The following TBL1X variants were observed in gnomAD, a reference collection of about 807,000 sequenced individuals.
TBL1X encodes the protein transducin beta like 1 X-linked.
A neutral mutation model predicts 50.7 loss-of-function variants in TBL1X; 10 were observed. The ratio of observed to expected loss-of-function variants is 0.20; its 90% CI spans 0.12 to 0.33. The LOEUF (loss-of-function observed/expected upper bound fraction) is 0.33. Among genes scored for constraint, TBL1X ranks in the 10% least tolerant of loss-of-function variants. The probability of loss-of-function intolerance (pLI) is 1.00; values close to 1 mark genes in which losing one functional copy is unlikely to be tolerated. For missense variants in TBL1X, 340 were observed against 504.4 expected (o/e 0.67, Z 3.12); for synonymous variants, 190 against 214.7 (o/e 0.88, Z 1.01).
At chrX:9,491,305 T>A (rs2081940166) in intron 1 of TBL1X, among the ~76,000 whole-genome samples, 1 of 41,396 alleles carries the variant, frequency 2.4e-5, no homozygotes. Context: ...GGCCAGTATA[T>A]TTATATATAT....
Position 9,711,638 on chromosome X carries a change from G to A in TBL1X, c.1467G>A (p.Leu489=), listed in dbSNP as rs1181330044. The change falls in exon 16 of 18, where the codon CTG becomes CTA. Residue 489 remains leucine (L), a synonymous_variant. Transcript: ENST00000645353. The stretch of plus-strand genomic sequence containing the variant: ...CTTCGTTTGATTCTACGGTGCGACT[G>A]TGGGACATAGAACGAGGCGTCTGCA... ...ASASFDSTVR[L]WDIERGVCTH... 4 of 1,202,798 alleles carry A rather than the reference G, an allele frequency of 3.3e-6. No individual in the cohort carries two copies. Among genetic ancestry groups the A allele is most frequent in the Non-Finnish European group, 4.5e-6 (4 of 890,917 alleles).
chrX:9,709,402 T>C, intron 14 of TBL1X, 80 bp downstream of exon 14: 1 of 1,072,304 alleles, frequency 9.3e-7, no homozygotes, highest in Admixed American at 2.4e-5. Flanking sequence ...CGGTCACTCT[T>C]ACATGAGGAT....
intron 2 of TBL1X, among the ~76,000 whole-genome samples, chrX:9,556,497 A>T (rs1283212538): frequency 1.0e-5 from 1 of 98,897 alleles, no homozygotes; most frequent in Admixed American, 1.1e-4. Flanking sequence ...GTCTCTCTCT[A>T]AAAAAAAAAA....
Position 9,469,083 on chromosome X carries a change from G to C in TBL1X, c.-201+3636G>C, listed in dbSNP as rs186497344. ...GATCCTTCCTCCTTGACCTCCCCAA[G>C]TGTTGAGATTACAGGTGTGAGCCAC... On this transcript the variant is annotated intron_variant, in intron 1 of 17. Coordinates refer to ENST00000645353, the MANE Select transcript of TBL1X (RefSeq NM_005647.4). Among the ~76,000 whole-genome samples, 234 of 111,501 alleles carry C rather than the reference G, an allele frequency of 2.1e-3. 1 individual carries two copies. Among genetic ancestry groups the C allele is most frequent in the Non-Finnish European group, 3.5e-3 (188 of 53,120 alleles).
intron 2 of TBL1X, among the ~76,000 whole-genome samples, chrX:9,611,314 T>G (rs1445266043): frequency 8.9e-6 from 1 of 112,705 alleles, no homozygotes; most frequent in East Asian, 2.8e-4. Flanking sequence ...CTGTCTTCAT[T>G]CAGCATCATT....
intron 2 of TBL1X, among the ~76,000 whole-genome samples, chrX:9,551,283 T>C (rs2082269821): frequency 9.2e-6 from 1 of 108,738 alleles, no homozygotes; most frequent in African/African-American, 3.4e-5. Flanking sequence ...GAGGCCCTTT[T>C]GGGGTAGAGT....
At chrX:9,491,338 A>ATATATATATATATAT (rs1328551249) in intron 1 of TBL1X, among the ~76,000 whole-genome samples, 1 of 31,316 alleles carries the variant, frequency 3.2e-5, no homozygotes, top group Admixed American at 6.0e-4. Flanking sequence ...ATATATATAT[A>ATATATATATATATAT]TTTTTTTTTT....
intron 2 of TBL1X, among the ~76,000 whole-genome samples, chrX:9,639,526 A>G (rs1307208139): frequency 8.9e-6 from 1 of 112,321 alleles, no homozygotes; most frequent in Non-Finnish European, 1.9e-5. Flanking sequence ...ATAGTGACTG[A>G]GAAATAAAAA....
intron 3 of TBL1X, among the ~76,000 whole-genome samples, chrX:9,652,994 G>A (rs971024880): frequency 2.7e-5 from 3 of 111,031 alleles, no homozygotes; most frequent in East Asian, 5.7e-4. Context: ...GTGAAACCCC[G>A]TCTCTACAAA....
intron 2 of TBL1X, among the ~76,000 whole-genome samples, chrX:9,569,802 A>G (rs1304146513): frequency 8.9e-6 from 1 of 112,615 alleles, no homozygotes; most frequent in Non-Finnish European, 1.9e-5. Flanking sequence ...GGTGCCCTGG[A>G]GCCTAAAGGC....
intron 2 of TBL1X, among the ~76,000 whole-genome samples, chrX:9,625,540 G>T (rs1241918247): frequency 2.7e-5 from 3 of 112,254 alleles, no homozygotes. Flanking sequence ...GTAATTTCTG[G>T]AAAACAAGGC....
At chrX:9,656,069 G>A (rs1204994163) in intron 5 of TBL1X, among the ~76,000 whole-genome samples, 1 of 112,542 alleles carries the variant, frequency 8.9e-6, no homozygotes, top group Non-Finnish European at 1.9e-5. Context: ...ACATAGTATA[G>A]GAAGTTGGTA....
chrX:9,491,350 T>C (rs1362384626), intron 1 of TBL1X, among the ~76,000 whole-genome samples: 2 of 88,179 alleles, frequency 2.3e-5, no homozygotes, highest in Admixed American at 2.6e-4. Flanking sequence ...TTTTTTTTTT[T>C]TTTTCTTTGA....
At chrX:9,631,614 T>A (rs1336361912) in intron 2 of TBL1X, among the ~76,000 whole-genome samples, 1 of 112,729 alleles carries the variant, frequency 8.9e-6, no homozygotes, top group African/African-American at 3.2e-5. Flanking sequence ...ACAACAACAA[T>A]GTGCTTTCAT....
chrX:9,674,968 A>G (rs1225380393), intron 5 of TBL1X, among the ~76,000 whole-genome samples: 1 of 111,874 alleles, frequency 8.9e-6, no homozygotes, highest in African/African-American at 3.2e-5. Context: ...GTTGCTTTTT[A>G]TTAGATATAC....
chrX:9,518,337 T>C (rs1444848695), intron 2 of TBL1X, among the ~76,000 whole-genome samples: 1 of 111,757 alleles, frequency 8.9e-6, no homozygotes, highest in East Asian at 2.8e-4. Context: ...TTCTGAGTGC[T>C]TGAAGGCACG....
rs999046825 is a variant in TBL1X, at chrX:9,640,341, A to G, written c.-62A>G. ...GGGAAGCCTGCTGGTCCACAGGTCC[A>G]TACATGAAGTCACCATAAGGTAAGC... On this transcript the variant is annotated 5_prime_UTR_variant, in exon 3 of 18. Transcript: ENST00000645353. The G allele has an allele frequency of 8.9e-6, 1 of 112,121 alleles. No individual in the cohort carries two copies. The allele number at this position is 112,121 out of a possible 1,213,427, so 9.2% of individuals were successfully genotyped here. A position where few individuals can be genotyped will look rare whatever the true frequency, so the allele number is the denominator to read the frequency against.
chrX:9,625,660 C>T (rs927671504), intron 2 of TBL1X, among the ~76,000 whole-genome samples: 4 of 112,506 alleles, frequency 3.6e-5, no homozygotes, highest in African/African-American at 6.5e-5. Flanking sequence ...CAAACTAGGC[C>T]GAGTGCGGTG....
intron 2 of TBL1X, among the ~76,000 whole-genome samples, chrX:9,553,608 T>A (rs755330641): frequency 9.0e-6 from 1 of 111,574 alleles, no homozygotes; most frequent in African/African-American, 3.3e-5. Context: ...TTTTGCTAAC[T>A]GTTTCTATGG....
Sources: allele counts gnomAD v4.1 joint callset (sites outside exome capture counted in the v4.1 genomes callset), GRCh38; gene constraint gnomAD v4.1.1; transcripts MANE v1.5; gene names NCBI Gene and HGNC (gene_info 2026-07-23, HGNC 2026-07-21).